Variants in SUMF1 observed in about 807,000 individuals in gnomAD.
SUMF1 encodes formylglycine-generating enzyme.
In SUMF1, 48 loss-of-function variants were observed where a neutral mutation model predicts 47.6. The ratio of observed to expected loss-of-function variants is 1.01; its 90% CI spans 0.80 to 1.28. The LOEUF is 1.28. SUMF1 is among the 50% of genes most tolerant of loss of function. The probability of loss-of-function intolerance (pLI) is 0.00; values close to 1 mark genes in which losing one functional copy is unlikely to be tolerated. For synonymous variants in SUMF1, 230 were observed against 192.1 expected (o/e 1.20, Z -1.63); for missense variants, 571 against 485.4 (o/e 1.18, Z -1.66).
chr3:4,094,443 A>G (rs978317181), intron 8 of SUMF1, among the ~76,000 whole-genome samples: 1 of 152,130 alleles, frequency 6.6e-6, no homozygotes, highest in Non-Finnish European at 1.5e-5. Context: ...CAAAAGAAGG[A>G]TATCAGTGTA....
chr3:4,037,145 G>C (rs1432005287), intron 9 of SUMF1, among the ~76,000 whole-genome samples: 1 of 152,148 alleles, frequency 6.6e-6, no homozygotes, highest in Non-Finnish European at 1.5e-5. Flanking sequence ...TGAGAGAAGA[G>C]TGATCTATTG....
At chr3:4,273,091 C>T (rs1000400326) in intron 8 of SUMF1, among the ~76,000 whole-genome samples, 9 of 149,002 alleles carry the variant, frequency 6.0e-5, no homozygotes, top group African/African-American at 2.2e-4. Flanking sequence ...AATATATATA[C>T]ACACATATAT....
At chr3:4,303,632 C>T (rs1314549879) in intron 8 of SUMF1, 4 of 1,416,008 alleles carry the variant, frequency 2.8e-6, no homozygotes, top group African/African-American at 3.0e-5. Flanking sequence ...CTTTTGTCTT[C>T]TCTTACAGCG....
intron 8 of SUMF1, chr3:4,313,262 G>A (rs1445039809): frequency 3.7e-6 from 6 of 1,613,878 alleles, no homozygotes; most frequent in Non-Finnish European, 5.1e-6. Context: ...GAGGTTTTAG[G>A]ATTCTCTGAA....
chr3:4,111,838 CA>C (rs1237684177), intron 8 of SUMF1, among the ~76,000 whole-genome samples: 5 of 151,512 alleles, frequency 3.3e-5, no homozygotes, highest in East Asian at 3.9e-4. Flanking sequence ...TGGAAAATGG[CA>C]AAAAAAATTT....
chr3:4,133,797 T>TC (rs1693850173), intron 8 of SUMF1, among the ~76,000 whole-genome samples: 1 of 151,950 alleles, frequency 6.6e-6, no homozygotes, highest in South Asian at 2.1e-4. Flanking sequence ...CTTAATAAAC[T>TC]CCCCTTTATA....
At chr3:4,453,840 AT>A (rs563643108) in intron 1 of SUMF1, among the ~76,000 whole-genome samples, 2 of 148,256 alleles carry the variant, frequency 1.3e-5, no homozygotes. Context: ...GGCCAAGCTG[AT>A]TTTTTTTTTA....
chr3:4,127,719 T>C (rs902558860), intron 8 of SUMF1, among the ~76,000 whole-genome samples: 4 of 152,088 alleles, frequency 2.6e-5, no homozygotes, highest in African/African-American at 9.7e-5. Context: ...TCTGTTCCCC[T>C]AGCAAACCCT....
intron 8 of SUMF1, among the ~76,000 whole-genome samples, chr3:4,115,241 T>A (rs1450024236): frequency 6.6e-6 from 1 of 151,878 alleles, no homozygotes; most frequent in Non-Finnish European, 1.5e-5. Context: ...CAGGGGAAGA[T>A]CACCTTCCCA....
Position 4,236,955 on chromosome 3 carries a change from T to C in SUMF1, c.1014+139375A>G, listed in dbSNP as rs151105712. 7.9e-3 allele frequency among the ~76,000 whole-genome samples: 1,199 copies of C among 152,256 alleles called. 13 individuals are homozygous for C. Among genetic ancestry groups the C allele is most frequent in the South Asian group, 0.024 (117 of 4,830 alleles). On this transcript the variant is annotated intron_variant and NMD_transcript_variant, in intron 8 of 12. Coordinates refer to the SUMF1 transcript ENST00000448413. ...TGATCTTTTACTGTCTTCATACTTT[T>C]CCCTTTTCCAGAATGTCATATAATA...
chr3:4,353,820 A>G (rs1472607483), intron 8 of SUMF1, among the ~76,000 whole-genome samples: 1 of 151,974 alleles, frequency 6.6e-6, no homozygotes, highest in Non-Finnish European at 1.5e-5. Flanking sequence ...CCACATCCTG[A>G]ACCCTTCTAC....
rs537369259 is a variant in SUMF1, at chr3:4,134,280, A to C, written c.1015-65535T>G. Among the ~76,000 whole-genome samples, 3 of 152,286 alleles carry C rather than the reference A, an allele frequency of 2.0e-5. No individual in the cohort carries two copies. The South Asian group carries it at 6.2e-4, about 32-fold the overall frequency. On this transcript the variant is annotated intron_variant and NMD_transcript_variant, in intron 8 of 12. Coordinates refer to the SUMF1 transcript ENST00000448413. The stretch of plus-strand genomic sequence containing the variant: ...TATAACAAACTCTCTCTCAGACCAC[A>C]GTGCAATCAAACTAGAACTCAGGAT...
At chr3:4,357,228 A>G (rs1399105236), downstream of SUMF1, among the ~76,000 whole-genome samples, 1 of 152,152 alleles carries the variant, frequency 6.6e-6, no homozygotes, top group Non-Finnish European at 1.5e-5. Context: ...ATAAGCCCAC[A>G]CTAATCCCTT....
chr3:4,365,783 C>T (rs1441467249), intron 8 of SUMF1, among the ~76,000 whole-genome samples: 4 of 149,900 alleles, frequency 2.7e-5, no homozygotes, highest in South Asian at 2.1e-4. Context: ...TGATTTTGCT[C>T]GTTAGTTGAT....
chr3:4,037,868 G>A (rs1694829712), intron 9 of SUMF1, among the ~76,000 whole-genome samples: 1 of 152,152 alleles, frequency 6.6e-6, no homozygotes, highest in Non-Finnish European at 1.5e-5. Flanking sequence ...GCTTTGCGCA[G>A]GGTCTTTATT....
intron 8 of SUMF1, among the ~76,000 whole-genome samples, chr3:4,330,292 A>G (rs1487588895): frequency 6.6e-6 from 1 of 152,170 alleles, no homozygotes; most frequent in Admixed American, 6.6e-5. Flanking sequence ...CTCTACCAGT[A>G]CCAATTTACT....
At chr3:4,301,933 G>C (rs1697976911) in intron 8 of SUMF1, among the ~76,000 whole-genome samples, 4 of 152,164 alleles carry the variant, frequency 2.6e-5, no homozygotes, top group African/African-American at 9.7e-5. Flanking sequence ...AGAAAGTTCA[G>C]GGAAGGGGAG....
chr3:4,375,042 G>A (rs1423187839), intron 8 of SUMF1, among the ~76,000 whole-genome samples: 1 of 149,794 alleles, frequency 6.7e-6, no homozygotes, highest in East Asian at 2.0e-4. Context: ...AGGCTGAGAT[G>A]GGAGGATCGC....
chr3:4,243,560 A>G (rs1357269058), intron 8 of SUMF1, among the ~76,000 whole-genome samples: 1 of 152,070 alleles, frequency 6.6e-6, no homozygotes, highest in Admixed American at 6.5e-5. Context: ...GTTTCCATGT[A>G]GTTGCATGGT....
Sources: gnomAD v4.1 joint callset for allele counts (sites outside exome capture counted in the v4.1 genomes callset) on GRCh38, gnomAD v4.1.1 for gene constraint, MANE v1.5 for transcripts, NCBI Gene and HGNC (gene_info 2026-07-23, HGNC 2026-07-21) for gene names.